Variants in HIP1 observed in about 807,000 individuals in gnomAD.
HIP1 encodes the protein huntingtin-interacting protein 1.
HIP1 carries 65 observed loss-of-function variants against 147.6 expected under a neutral mutation model. The observed-to-expected ratio is 0.44, with a 90% CI of 0.36 to 0.54. The LOEUF is 0.54. Ranked by LOEUF, HIP1 falls within the 20% of genes least tolerant of loss-of-function variation. The probability of loss-of-function intolerance (pLI) is 0.00; values close to 1 mark genes in which losing one functional copy is unlikely to be tolerated. For missense variants in HIP1, 1,061 were observed against 1,299.6 expected, an observed-to-expected ratio of 0.82 and a Z score of 2.82; for synonymous variants, 479 against 504.0, an observed-to-expected ratio of 0.95 and a Z score of 0.67.
chr7:75,536,030 G>A lies in HIP1; in HGVS notation c.*2142C>T, dbSNP rs143880784. The stretch of plus-strand genomic sequence containing the variant: ...TGCCCGGCCACCCCTTGGTAATTGG[G>A]AACATATGAGTTAGAATGGCTGAGA... On this transcript the variant is annotated 3_prime_UTR_variant, in exon 31 of 31. Coordinates refer to ENST00000336926, the MANE Select transcript of HIP1 (RefSeq NM_005338.7). 1 of 182,562 alleles carries A rather than the reference G, an allele frequency of 5.5e-6. No homozygotes were observed. Among genetic ancestry groups the A allele is most frequent in the Non-Finnish European group, 1.2e-5 (1 of 85,824 alleles). The allele number at this position is 182,562 out of a possible 1,614,324, so 11.3% of individuals were successfully genotyped here.
intron 7 of HIP1, among the ~76,000 whole-genome samples, chr7:75,575,772 AGACTCTGCACGCGGCGGGCAATGAAAT>A (rs1424228776): frequency 6.6e-6 from 1 of 152,102 alleles, no homozygotes; most frequent in Non-Finnish European, 1.5e-5. Context: ...CTGCCTCTGC[AGACTCTGCACGCGGCGGGCAATGAAAT>A]GACTCTCCCC....
chr7:75,547,561 C>T (rs587686212), intron 24 of HIP1, among the ~76,000 whole-genome samples, 194 bp downstream of exon 24: 3 of 152,114 alleles, frequency 2.0e-5, no homozygotes, highest in African/African-American at 7.2e-5. Flanking sequence ...AGCTACCGCG[C>T]GGGTTTCTTT....
chr7:75,537,178 T>TG lies in HIP1; in HGVS notation c.*993dup, dbSNP rs1251556183. 3 of 232,646 alleles carry TG rather than the reference T, an allele frequency of 1.3e-5. No individual in the cohort carries two copies. Among genetic ancestry groups the TG allele is most frequent in the Non-Finnish European group, 2.6e-5 (3 of 117,588 alleles). 14.4% of individuals were successfully genotyped at this position (232,646 alleles called of 1,614,324 possible). On this transcript the variant is annotated 3_prime_UTR_variant, in exon 31 of 31. Transcript: ENST00000336926. ...CCATTCAAGCATGTGATCAAGTTTT[T>TG]GAGCCTCGTCACGGGAACTGGGCTG...
intron 30 of HIP1, among the ~76,000 whole-genome samples, chr7:75,538,797 A>G (rs1294705974): frequency 6.6e-6 from 1 of 151,810 alleles, no homozygotes; most frequent in Non-Finnish European, 1.5e-5. Context: ...GATGGTCTCG[A>G]TCTCCTGACC....
intron 1 of HIP1, among the ~76,000 whole-genome samples, chr7:75,667,063 A>G (rs901909465): frequency 6.6e-6 from 1 of 152,120 alleles, no homozygotes; most frequent in African/African-American, 2.4e-5. Flanking sequence ...CTCAAATGTT[A>G]AGAGTGGTTA....
At chr7:75,556,004 C>T (rs368787747) in intron 18 of HIP1, 22 bp downstream of exon 18, 4 of 1,612,714 alleles carry the variant, frequency 2.5e-6, no homozygotes, top group East Asian at 4.5e-5. Context: ...GGTGCTCGCT[C>T]GTGTCCATGT....
intron 1 of HIP1, among the ~76,000 whole-genome samples, chr7:75,722,598 G>A (rs1246691202): frequency 1.3e-5 from 2 of 152,204 alleles, no homozygotes; most frequent in African/African-American, 4.8e-5. Flanking sequence ...ATCCGGATGC[G>A]GCAGGCCTAC....
At chr7:75,693,338 C>T (rs575562551) in intron 1 of HIP1, among the ~76,000 whole-genome samples, 1 of 151,910 alleles carries the variant, frequency 6.6e-6, no homozygotes, top group African/African-American at 2.4e-5. Context: ...CCCAAATATC[C>T]CATTGTTTAA....
rs1173137171 is a variant in HIP1, at chr7:75,554,527, C to A, written c.1964-1G>T. 3 of 1,612,490 alleles carry A rather than the reference C, an allele frequency of 1.9e-6. No homozygotes were observed. The highest frequency in any genetic ancestry group is 2.5e-6 in the Non-Finnish European group (3 of 1,178,968). ...GATGTGACCGTGGAGAGGAGGTGATCTGTGAGAGGGAACACAGGGCAAGGT... is the reference window on the plus strand; with the variant it reads ...GATGTGACCGTGGAGAGGAGGTGATATGTGAGAGGGAACACAGGGCAAGGT... On this transcript the variant is annotated splice_acceptor_variant, in intron 19 of 30. Transcript: ENST00000336926. LOFTEE classifies it high-confidence loss of function.
At chr7:75,646,864 G>C (rs371055475) in intron 1 of HIP1, among the ~76,000 whole-genome samples, 3 of 152,236 alleles carry the variant, frequency 2.0e-5, no homozygotes, top group East Asian at 3.9e-4. Flanking sequence ...TTAGAGCCAG[G>C]AAAGGTCAAG....
intron 1 of HIP1, among the ~76,000 whole-genome samples, chr7:75,675,480 G>A (rs1244320788): frequency 6.6e-6 from 1 of 152,054 alleles, no homozygotes; most frequent in East Asian, 1.9e-4. Flanking sequence ...GGGATCCCAG[G>A]CATGAGCCAC....
intron 1 of HIP1, among the ~76,000 whole-genome samples, chr7:75,684,352 G>T (rs1289314722): frequency 6.6e-6 from 1 of 150,638 alleles, no homozygotes; most frequent in Non-Finnish European, 1.5e-5. Flanking sequence ...GGAGGCTGAG[G>T]CAGGAGACTA....
chr7:75,549,200 C>A (rs1554491660), intron 22 of HIP1, among the ~76,000 whole-genome samples, 199 bp from the exon 23 acceptor site: 1 of 152,046 alleles, frequency 6.6e-6, no homozygotes, highest in African/African-American at 2.4e-5. Context: ...TCATGCTCCT[C>A]CTCACTCAGG....
chr7:75,672,818 G>T (rs1173639626), intron 1 of HIP1, among the ~76,000 whole-genome samples: 1 of 152,048 alleles, frequency 6.6e-6, no homozygotes, highest in Admixed American at 6.6e-5. Flanking sequence ...TTACATTTAG[G>T]TTTCTGATCC....
At chr7:75,618,953 C>G (rs1797754570) in intron 1 of HIP1, among the ~76,000 whole-genome samples, 1 of 152,120 alleles carries the variant, frequency 6.6e-6, no homozygotes, top group Admixed American at 6.6e-5. Flanking sequence ...ACCTTGGCCT[C>G]CCACCCAACA....
intron 1 of HIP1, among the ~76,000 whole-genome samples, chr7:75,709,317 C>T (rs1554519964): frequency 6.6e-6 from 1 of 151,804 alleles, no homozygotes; most frequent in African/African-American, 2.4e-5. Context: ...TTCACCATGT[C>T]GGTCAGGCTG....
chr7:75,593,054 A>G (rs807875), intron 2 of HIP1, among the ~76,000 whole-genome samples: 129,013 of 152,106 alleles, frequency 0.85, 55,139 homozygotes, highest in East Asian at 0.97. Context: ...CTGTAACCTC[A>G]AACTCCTGGG....
At position 75,559,717 on chromosome 7, in the gene HIP1, C is replaced by CCCCCCCCCCCCCCCCT; in HGVS notation, c.1375+14_1375+15insAGGGGGGGGGGGGGGG. On this transcript the variant is annotated intron_variant, in intron 14 of 30. Transcript: ENST00000336926. ...CTGCCCCCGGGGCCCGCCCCCGCCC[C>CCCCCCCCCCCCCCCCT]CACCCACCGCTCACTTTCTATCTCA... is the stretch of plus-strand genomic sequence containing the variant. The CCCCCCCCCCCCCCCCT allele has an allele frequency of 7.0e-7, 1 of 1,430,344 alleles. No homozygotes were observed. Among genetic ancestry groups the CCCCCCCCCCCCCCCCT allele is most frequent in the Non-Finnish European group, 9.3e-7 (1 of 1,073,620 alleles). The allele number at this position is 1,430,344 out of a possible 1,614,324, so 88.6% of individuals were successfully genotyped here.
At chr7:75,717,507 A>C (rs1300090558) in intron 1 of HIP1, among the ~76,000 whole-genome samples, 1 of 152,000 alleles carries the variant, frequency 6.6e-6, no homozygotes, top group African/African-American at 2.4e-5. Context: ...TGGCAGGTTC[A>C]TAACAATGGC....
Sources: allele counts gnomAD v4.1 joint callset (sites outside exome capture counted in the v4.1 genomes callset), GRCh38; gene constraint gnomAD v4.1.1; transcripts MANE v1.5; gene names NCBI Gene and HGNC (gene_info 2026-07-23, HGNC 2026-07-21).